The following PPIL2 variants were observed in gnomAD, a reference collection of about 807,000 sequenced individuals.
PPIL2 encodes the protein peptidylprolyl isomerase like 2.
A neutral mutation model predicts 75.2 loss-of-function variants in PPIL2; 50 were observed. The ratio of observed to expected loss-of-function variants is 0.66; its 90% CI spans 0.53 to 0.84. PPIL2 has a LOEUF of 0.84. Among genes scored for constraint, PPIL2 ranks in the 40% least tolerant of loss-of-function variants. PPIL2 has a pLI of 0.00. For missense variants in PPIL2, 590 were observed against 685.0 expected (o/e 0.86, Z 1.55); for synonymous variants, 245 against 258.8 (o/e 0.95, Z 0.51).
At position 21,696,368 on chromosome 22, in the gene PPIL2, A is replaced by G; in HGVS notation, c.*878A>G. On this transcript the variant is annotated 3_prime_UTR_variant, in exon 20 of 20. Transcript: ENST00000398831. Reference sequence around the variant, plus strand: ...TGTCTCCTGCTGTGAGAACAAGTGGATGTCCCTCTCCCCGCCCTCCTGCTG... The same window carrying G: ...TGTCTCCTGCTGTGAGAACAAGTGGGTGTCCCTCTCCCCGCCCTCCTGCTG... 1 of 1,144,238 alleles carries G rather than the reference A, an allele frequency of 8.7e-7. No homozygotes were observed. Among genetic ancestry groups the G allele is most frequent in the Non-Finnish European group, 1.1e-6 (1 of 922,992 alleles). 70.9% of individuals were successfully genotyped at this position (1,144,238 alleles called of 1,614,324 possible).
rs1200883613 is a variant in PPIL2, at chr22:21,694,964, A to G, written c.1360A>G (p.Lys454Glu). 3 of 1,613,888 alleles carry G rather than the reference A, an allele frequency of 1.9e-6. No homozygotes were observed. Among genetic ancestry groups the G allele is most frequent in the Non-Finnish European group, 2.5e-6 (3 of 1,179,982 alleles). The change falls in exon 19 of 20, where the codon AAG becomes GAG. Residue 454 changes from lysine to glutamate, a missense_variant. Physicochemically the swap from Lys to Glu is moderately conservative, Grantham distance 56. Coordinates refer to ENST00000398831, the MANE Select transcript of PPIL2 (RefSeq NM_014337.4). Reference protein sequence around the residue: ...QIAQERKTQLKVAPETKVKSS... With the variant: ...QIAQERKTQLEVAPETKVKSS... ...TGCGCAGGAGCGGAAGACACAGCTC[A>G]AGGTAGCCCCGGAGACCAAAGTGAA...
chr22:21,689,250 G>A (rs2067516843), intron 15 of PPIL2, among the ~76,000 whole-genome samples: 1 of 152,226 alleles, frequency 6.6e-6, no homozygotes. Flanking sequence ...TGCATGTGGG[G>A]AGCAGTGTGC....
Position 21,695,718 on chromosome 22 carries a change from C to G in PPIL2, c.*228C>G. The G allele has an allele frequency of 7.4e-7, 1 of 1,353,462 alleles. No homozygotes were observed. Among genetic ancestry groups the G allele is most frequent in the Non-Finnish European group, 9.5e-7 (1 of 1,048,092 alleles). 83.8% of individuals were successfully genotyped at this position (1,353,462 alleles called of 1,614,324 possible). ...CAGGACCTGGCCCAGCCAGAGCCCA[C>G]TGCTGGGACCTTCAAGCACAAGGCC... On this transcript the variant is annotated 3_prime_UTR_variant, in exon 20 of 20. Transcript: ENST00000398831.
In PPIL2 at chr22:21,696,165, G is replaced by A. The variant is rs2067920514; in HGVS notation, c.*675G>A. On this transcript the variant is annotated 3_prime_UTR_variant, in exon 20 of 20. Coordinates refer to ENST00000398831, the MANE Select transcript of PPIL2 (RefSeq NM_014337.4). ...CGGTCTGTTTTGACAAAACTTCAGGGGCTTCTGAAGGCTGGTGTTGGACGG... is the reference window on the plus strand; with the variant it reads ...CGGTCTGTTTTGACAAAACTTCAGGAGCTTCTGAAGGCTGGTGTTGGACGG... The A allele has an allele frequency of 3.0e-6, 3 of 998,458 alleles. No individual in the cohort carries two copies. Among genetic ancestry groups the A allele is most frequent in the Non-Finnish European group, 3.6e-6 (3 of 837,038 alleles). The allele number at this position is 998,458 out of a possible 1,614,324, so 61.8% of individuals were successfully genotyped here.
chr22:21,688,698 GGCTTT>G (rs1316047816), intron 14 of PPIL2, 29 bp from the exon 15 acceptor site: 2 of 1,600,962 alleles, frequency 1.2e-6, no homozygotes, highest in Non-Finnish European at 1.7e-6. Context: ...CTGGGGCCCA[GGCTTT>G]CCTGCTCCCA....
intron 19 of PPIL2, 82 bp from the exon 20 acceptor site, chr22:21,695,312 C>G: frequency 1.3e-6 from 2 of 1,483,324 alleles, no homozygotes; most frequent in South Asian, 1.2e-5. Flanking sequence ...GGGCCTACAC[C>G]GGGAGGGCTG....
At position 21,697,170 on chromosome 22, in the gene PPIL2, G is replaced by C; in HGVS notation, c.*1680G>C. On this transcript the variant is annotated 3_prime_UTR_variant, in exon 20 of 20. Coordinates refer to ENST00000398831, the MANE Select transcript of PPIL2 (RefSeq NM_014337.4). ...TTGTAAGAGGCTCAGACACCAAGCT[G>C]GGCCTGCAGAGGAGGGGCACAGTAG... 1 of 653,658 alleles carries C rather than the reference G, an allele frequency of 1.5e-6. No homozygotes were observed. Among genetic ancestry groups the C allele is most frequent in the Non-Finnish European group, 2.6e-6 (1 of 386,290 alleles). 40.5% of individuals were successfully genotyped at this position (653,658 alleles called of 1,614,324 possible). A position where few individuals can be genotyped will look rare whatever the true frequency, so the allele number is the denominator to read the frequency against.
chr22:21,692,412 C>T (rs1451249433), intron 15 of PPIL2, among the ~76,000 whole-genome samples: 8 of 151,776 alleles, frequency 5.3e-5, no homozygotes, highest in African/African-American at 9.7e-5. Flanking sequence ...CCTTGGCCTC[C>T]CAAAGTGCTG....
chr22:21,676,569 C>G (rs1002177456), intron 6 of PPIL2, among the ~76,000 whole-genome samples: 7 of 151,402 alleles, frequency 4.6e-5, no homozygotes, highest in Admixed American at 2.6e-4. Flanking sequence ...TGACTCTTAA[C>G]TAGCATGCTG....
intron 13 of PPIL2, 92 bp from the exon 14 acceptor site, chr22:21,687,981 A>G (rs2067446705): frequency 1.3e-6 from 2 of 1,512,986 alleles, no homozygotes; most frequent in Non-Finnish European, 1.8e-6. Context: ...CCCTGTGTGG[A>G]GCCATCTGGC....
intron 7 of PPIL2, among the ~76,000 whole-genome samples, chr22:21,681,892 GAA>G (rs1453185258): frequency 1.3e-5 from 2 of 152,246 alleles, no homozygotes; most frequent in African/African-American, 4.8e-5. Context: ...CACATGGCGG[GAA>G]AGCCGACCTT....
intron 3 of PPIL2, 186 bp downstream of exon 3, chr22:21,670,797 T>C: frequency 1.2e-6 from 1 of 844,738 alleles, no homozygotes; most frequent in East Asian, 2.4e-5. Flanking sequence ...TGGTGTTGGA[T>C]CCTGCTCTAG....
chr22:21,693,391 G>A (rs763406187), intron 15 of PPIL2, among the ~76,000 whole-genome samples: 13 of 152,158 alleles, frequency 8.5e-5, no homozygotes, highest in East Asian at 5.8e-4. Context: ...TGTTACCCAC[G>A]TTTCTTAATC....
At chr22:21,688,960 C>A in intron 15 of PPIL2, 111 bp downstream of exon 15, 2 of 1,034,590 alleles carry the variant, frequency 1.9e-6, no homozygotes, top group Admixed American at 2.0e-5. Context: ...CATACCCAGA[C>A]GGTGTACGGC....
intron 2 of PPIL2, chr22:21,670,295 T>G: frequency 6.8e-7 from 1 of 1,462,270 alleles, no homozygotes; most frequent in Non-Finnish European, 9.1e-7. Context: ...GATAATATTT[T>G]CAGCTGTCAA....
At chr22:21,687,303 G>A (rs1392260133) in intron 12 of PPIL2, among the ~76,000 whole-genome samples, 2 of 152,106 alleles carry the variant, frequency 1.3e-5, no homozygotes, top group Non-Finnish European at 2.9e-5. Flanking sequence ...TAATGTTGTG[G>A]GTCCATCCGT....
Position 21,695,819 on chromosome 22 carries a change from CCA to C in PPIL2, c.*330_*331del. ...AGGTTAGTGAGGAAGGACTGTGTCT[CCA>C]GATTGTGGTTTCCTCTTTAAGACAG... On this transcript the variant is annotated 3_prime_UTR_variant, in exon 20 of 20. Coordinates refer to ENST00000398831, the MANE Select transcript of PPIL2 (RefSeq NM_014337.4). The C allele has an allele frequency of 1.7e-6, 2 of 1,177,872 alleles. No individual in the cohort carries two copies. The highest frequency in any genetic ancestry group is 2.1e-6 in the Non-Finnish European group (2 of 941,994). 73.0% of individuals were successfully genotyped at this position (1,177,872 alleles called of 1,614,324 possible).
At chr22:21,688,882 G>C in intron 15 of PPIL2, 33 bp downstream of exon 15, 19 of 1,588,948 alleles carry the variant, frequency 1.2e-5, no homozygotes, top group Non-Finnish European at 1.6e-5. Flanking sequence ...GGTGGCCTGG[G>C]AGGTGAGCCG....
downstream of PPIL2, chr22:21,699,003 A>C (rs1454194896): frequency 6.6e-6 from 1 of 152,428 alleles, no homozygotes; most frequent in Non-Finnish European, 1.5e-5. Context: ...ACTCCTGCTG[A>C]GTGGATGCAT....
Sources: allele counts gnomAD v4.1 joint callset (sites outside exome capture counted in the v4.1 genomes callset), GRCh38; gene constraint gnomAD v4.1.1; transcripts MANE v1.5; gene names NCBI Gene and HGNC (gene_info 2026-07-23, HGNC 2026-07-21).